The following FOXP1 variants were observed in gnomAD, a reference collection of about 807,000 sequenced individuals.
The protein encoded by FOXP1 is forkhead box P1, also known as forkhead box protein P1.
FOXP1 carries 15 observed loss-of-function variants against 98.2 expected under a neutral mutation model. The observed-to-expected ratio is 0.15, with a 90% CI of 0.10 to 0.24. The LOEUF is 0.24. FOXP1 is among the 10% of genes least tolerant of loss of function. FOXP1 has a pLI of 1.00. For missense variants in FOXP1, 633 were observed against 848.5 expected (o/e 0.75, Z 3.15); for synonymous variants, 371 against 314.5 (o/e 1.18, Z -1.90).
chr3:71,288,051 T>G (rs570137233), intron 5 of FOXP1, among the ~76,000 whole-genome samples: 4 of 152,090 alleles, frequency 2.6e-5, no homozygotes, highest in Admixed American at 6.5e-5. Context: ...CGGCTAATTT[T>G]GTATTTTTAG....
At chr3:71,130,403 T>C in intron 6 of FOXP1, 1 of 1,250,024 alleles carries the variant, frequency 8.0e-7, no homozygotes, top group Non-Finnish European at 1.1e-6. Context: ...TGGATCACCT[T>C]ATTTCGCCCT....
chr3:71,436,248 A>T (rs1160139161), intron 3 of FOXP1, among the ~76,000 whole-genome samples: 1 of 152,100 alleles, frequency 6.6e-6, no homozygotes, highest in Non-Finnish European at 1.5e-5. Flanking sequence ...GGAAAACTTT[A>T]CACATGTTCA....
At chr3:71,476,566 C>A (rs1208773325) in intron 3 of FOXP1, among the ~76,000 whole-genome samples, 1 of 152,070 alleles carries the variant, frequency 6.6e-6, no homozygotes, top group Non-Finnish European at 1.5e-5. Flanking sequence ...TCTCAGCTCA[C>A]TGCAACCTCC....
intron 5 of FOXP1, among the ~76,000 whole-genome samples, chr3:71,200,124 GGT>G (rs2063577861): frequency 6.8e-6 from 1 of 146,266 alleles, no homozygotes; most frequent in African/African-American, 2.5e-5. Flanking sequence ...ATATCACTTA[GGT>G]GTAAATACAT....
At chr3:71,583,743 A>G (rs2048378719), upstream of FOXP1, 34 of 985,352 alleles carry the variant, frequency 3.5e-5, no homozygotes, top group Non-Finnish European at 4.0e-5. Flanking sequence ...TGCAACCGCC[A>G]CACAATAAAT....
intron 3 of FOXP1, among the ~76,000 whole-genome samples, chr3:71,409,857 T>C (rs1041057043): frequency 7.2e-5 from 11 of 152,024 alleles, no homozygotes; most frequent in African/African-American, 2.7e-4. Context: ...CTGCTAAAAA[T>C]ACAAAAAATT....
At chr3:71,131,591 T>C (rs142589600) in intron 6 of FOXP1, among the ~76,000 whole-genome samples, 9 of 152,314 alleles carry the variant, frequency 5.9e-5, no homozygotes, top group African/African-American at 1.4e-4. Flanking sequence ...GATGTTTACA[T>C]AGGCCCCAAT....
chr3:71,520,675 C>T lies in FOXP1; in HGVS notation c.-297-27120G>A, dbSNP rs2042914042. ...CAAAAGAATGAGTAAGTCAGGCATA[C>T]CCAAAATGCTGAGAACAGTGTGTAT... On this transcript the variant is annotated intron_variant, in intron 2 of 20. Transcript: ENST00000649528. Among the ~76,000 whole-genome samples, 3 of 152,174 alleles carry T rather than the reference C, an allele frequency of 2.0e-5. No homozygotes were observed. The East Asian group carries it at 5.8e-4, about 29-fold the overall frequency.
intron 5 of FOXP1, among the ~76,000 whole-genome samples, chr3:71,294,771 T>C (rs2073117235): frequency 6.6e-6 from 1 of 152,176 alleles, no homozygotes; most frequent in Non-Finnish European, 1.5e-5. Context: ...CCTCAAAGTT[T>C]GCTGGGCCTT....
At chr3:71,396,656 G>A (rs1283875061) in intron 3 of FOXP1, among the ~76,000 whole-genome samples, 1 of 150,660 alleles carries the variant, frequency 6.6e-6, no homozygotes, top group African/African-American at 2.5e-5. Context: ...ATAATTTATG[G>A]GGCCCGTGGC....
intron 3 of FOXP1, among the ~76,000 whole-genome samples, chr3:71,401,371 G>A (rs1009096065): frequency 1.1e-4 from 16 of 152,208 alleles, no homozygotes; most frequent in South Asian, 6.2e-4. Context: ...GCAGCTGCCA[G>A]GGGAGGGTAT....
chr3:71,130,920 C>T (rs2059535661), intron 6 of FOXP1: 7 of 1,327,160 alleles, frequency 5.3e-6, no homozygotes, highest in African/African-American at 1.5e-5. Flanking sequence ...ACACGCAGTG[C>T]GCCCTGGCTA....
intron 6 of FOXP1, among the ~76,000 whole-genome samples, chr3:71,135,713 C>G (rs1194494806): frequency 6.6e-6 from 1 of 152,180 alleles, no homozygotes; most frequent in Non-Finnish European, 1.5e-5. Context: ...ATGTGCCAAA[C>G]CAGGGCCTGC....
In FOXP1 at chr3:71,025,940, G is replaced by A. The variant is rs867586331; in HGVS notation, c.870-10287C>T. Among the ~76,000 whole-genome samples the A allele has an allele frequency of 9.6e-4, 146 of 152,318 alleles. 1 individual carries two copies. Among genetic ancestry groups the A allele is most frequent in the African/African-American group, 3.4e-3 (141 of 41,582 alleles). The stretch of plus-strand genomic sequence containing the variant: ...AATCAACTTTTTAGGAAGGTTAAGT[G>A]ACAGTCTTGAATTTTTCTAAGAAAT... On this transcript the variant is annotated intron_variant, in intron 11 of 20. Transcript: ENST00000649528.
intron 7 of FOXP1, among the ~76,000 whole-genome samples, chr3:71,084,120 T>C (rs1306181146): frequency 6.6e-6 from 1 of 152,206 alleles, no homozygotes; most frequent in Non-Finnish European, 1.5e-5. Context: ...GTTCACCACC[T>C]GTGCATTTTT....
intron 5 of FOXP1, among the ~76,000 whole-genome samples, chr3:71,251,781 C>T (rs2068208822): frequency 6.6e-6 from 1 of 152,174 alleles, no homozygotes; most frequent in Non-Finnish European, 1.5e-5. Context: ...TCCAAAAGTA[C>T]ACTGTCATTC....
At chr3:71,459,958 G>T (rs1260453568) in intron 3 of FOXP1, among the ~76,000 whole-genome samples, 1 of 149,570 alleles carries the variant, frequency 6.7e-6, no homozygotes, top group Non-Finnish European at 1.5e-5. Flanking sequence ...TTTTAAGATG[G>T]AGTCTCACTC....
At chr3:71,580,803 T>G in intron 2 of FOXP1, 2 of 985,416 alleles carry the variant, frequency 2.0e-6, no homozygotes, top group Non-Finnish European at 2.4e-6. Flanking sequence ...CCTAAACCCT[T>G]AAGTCTACGT....
rs1196314757 is a variant in FOXP1 at position 70,957,509 on chromosome 3, A to ATCTT, written c.*1734_*1737dup. 4 of 230,896 alleles carry ATCTT rather than the reference A, an allele frequency of 1.7e-5. No individual in the cohort carries two copies. Among genetic ancestry groups the ATCTT allele is most frequent in the Non-Finnish European group, 3.4e-5 (4 of 116,474 alleles). 14.3% of individuals were successfully genotyped at this position (230,896 alleles called of 1,614,324 possible). ...AGAACATAATTTACCTTTGTGTAAT[A>ATCTT]TCTTTGGTAATTTTAGAAAAAAGGT... is the stretch of plus-strand genomic sequence containing the variant. On this transcript the variant is annotated 3_prime_UTR_variant, in exon 21 of 21. Coordinates refer to ENST00000649528, the MANE Select transcript of FOXP1 (RefSeq NM_001349338.3).
Sources: gnomAD v4.1 joint callset for allele counts (sites outside exome capture counted in the v4.1 genomes callset) on GRCh38, gnomAD v4.1.1 for gene constraint, MANE v1.5 for transcripts, NCBI Gene and HGNC (gene_info 2026-07-23, HGNC 2026-07-21) for gene names.